Variants in DYNC1I1 observed in about 807,000 individuals in gnomAD.
The protein encoded by DYNC1I1 is dynein cytoplasmic 1 intermediate chain 1, also known as cytoplasmic dynein 1 intermediate chain 1.
In DYNC1I1, 43 loss-of-function variants were observed where a neutral mutation model predicts 86.6. The observed-to-expected ratio is 0.50, with a 90% CI of 0.39 to 0.64. DYNC1I1 has a LOEUF of 0.64. Ranked by LOEUF, DYNC1I1 falls within the 30% of genes least tolerant of loss-of-function variation. The pLI is 0.00. For synonymous variants in DYNC1I1, 262 were observed against 283.7 expected (o/e 0.92, Z 0.77); for missense variants, 604 against 788.8 (o/e 0.77, Z 2.81).
At chr7:95,837,423 T>G (rs1789131940) in intron 5 of DYNC1I1, among the ~76,000 whole-genome samples, 1 of 152,160 alleles carries the variant, frequency 6.6e-6, no homozygotes, top group Non-Finnish European at 1.5e-5. Flanking sequence ...GTCTTTTTGT[T>G]TGTCTGTGCC....
intron 9 of DYNC1I1, among the ~76,000 whole-genome samples, chr7:95,991,221 G>T (rs981442136): frequency 6.6e-6 from 1 of 152,148 alleles, no homozygotes; most frequent in Admixed American, 6.5e-5. Context: ...CCTGTGTTCA[G>T]TGACTTCCGT....
At chr7:96,047,342 G>A (rs569595089) in intron 14 of DYNC1I1, among the ~76,000 whole-genome samples, 51 of 152,274 alleles carry the variant, frequency 3.3e-4, no homozygotes, top group African/African-American at 1.2e-3. Context: ...TAGAAATATA[G>A]ATATGACAGT....
Position 95,799,732 on chromosome 7 carries a change from T to C in DYNC1I1, c.-9-4989T>C, listed in dbSNP as rs556416664. Among the ~76,000 whole-genome samples the C allele has an allele frequency of 2.2e-4, 33 of 151,906 alleles. 1 individual carries two copies. The highest frequency in any genetic ancestry group is 1.3e-4 in the Admixed American group (2 of 15,246). ...GAAGCTCCTACTACTTGCTCTGAAG[T>C]GTTTTAGAATGGCTAGGAACACAGA... On this transcript the variant is annotated intron_variant, in intron 1 of 16. Transcript: ENST00000447467.
chr7:95,934,761 A>T, intron 6 of DYNC1I1, among the ~76,000 whole-genome samples: 1 of 152,052 alleles, frequency 6.6e-6, no homozygotes, highest in Non-Finnish European at 1.5e-5. Context: ...TTGAATTTTA[A>T]AATTGCTATC....
intron 14 of DYNC1I1, among the ~76,000 whole-genome samples, chr7:96,070,551 T>A (rs1408071257): frequency 2.0e-5 from 3 of 152,128 alleles, no homozygotes; most frequent in African/African-American, 7.2e-5. Flanking sequence ...ATTCCATGAG[T>A]TTTCCTTTTA....
In DYNC1I1 at chr7:95,975,447, C is replaced by T. The variant is rs527740556; in HGVS notation, c.491-2065C>T. Among the ~76,000 whole-genome samples the T allele has an allele frequency of 1.1e-3, 171 of 152,204 alleles. 2 individuals carry two copies. The highest frequency in any genetic ancestry group is 3.9e-3 in the African/African-American group (162 of 41,534). ...TCCTTGGCTTGTAAAAGCATCAGGC[C>T]GATCTTTGCCTTCATCTCCACATGG... On this transcript the variant is annotated intron_variant, in intron 6 of 16. Coordinates refer to ENST00000447467, the MANE Select transcript of DYNC1I1 (RefSeq NM_001135556.2).
chr7:95,961,242 A>T (rs1584202414), intron 6 of DYNC1I1, among the ~76,000 whole-genome samples: 1 of 152,254 alleles, frequency 6.6e-6, no homozygotes, highest in Non-Finnish European at 1.5e-5. Flanking sequence ...CACTGGAGAG[A>T]GAGTCAGCAG....
intron 2 of DYNC1I1, among the ~76,000 whole-genome samples, chr7:95,807,770 C>T (rs1342035882): frequency 6.6e-6 from 1 of 152,094 alleles, no homozygotes; most frequent in African/African-American, 2.4e-5. Context: ...ATACCTTTAC[C>T]CATAACTAGG....
chr7:95,909,918 T>A (rs754515036), intron 6 of DYNC1I1, among the ~76,000 whole-genome samples: 41 of 152,122 alleles, frequency 2.7e-4, no homozygotes, highest in Non-Finnish European at 4.3e-4. Flanking sequence ...CATCTGTCTT[T>A]CTCTCTCTTT....
At chr7:95,876,219 A>T (rs1790305491) in intron 6 of DYNC1I1, among the ~76,000 whole-genome samples, 1 of 152,196 alleles carries the variant, frequency 6.6e-6, no homozygotes, top group Non-Finnish European at 1.5e-5. Context: ...GTGAAAATCC[A>T]GATATATCTG....
At chr7:96,102,453 C>T (rs1279678080), downstream of DYNC1I1, among the ~76,000 whole-genome samples, 2 of 152,106 alleles carry the variant, frequency 1.3e-5, no homozygotes, top group African/African-American at 2.4e-5. Flanking sequence ...AGAATCTCCC[C>T]AATGTTTAAG....
intron 10 of DYNC1I1, among the ~76,000 whole-genome samples, chr7:95,998,780 G>T (rs1362725240): frequency 6.6e-6 from 1 of 152,150 alleles, no homozygotes; most frequent in African/African-American, 2.4e-5. Flanking sequence ...TTTTAAAAGT[G>T]TATAATTGTA....
intron 16 of DYNC1I1, among the ~76,000 whole-genome samples, chr7:96,104,809 A>G (rs1009978298): frequency 2.6e-5 from 4 of 151,978 alleles, no homozygotes; most frequent in Non-Finnish European, 5.9e-5. Context: ...TGGCGTAAGT[A>G]CTCCAACTTT....
At chr7:95,787,862 A>T (rs1046959377) in intron 1 of DYNC1I1, among the ~76,000 whole-genome samples, 6 of 152,186 alleles carry the variant, frequency 3.9e-5, no homozygotes, top group Non-Finnish European at 7.3e-5. Flanking sequence ...GTCAAGTAAG[A>T]CCTCAATGAG....
At chr7:95,873,197 A>T (rs546819384) in intron 6 of DYNC1I1, among the ~76,000 whole-genome samples, 34 of 152,292 alleles carry the variant, frequency 2.2e-4, no homozygotes, top group Non-Finnish European at 4.4e-4. Context: ...AAACCAAGAC[A>T]TCTCTCTCAA....
intron 6 of DYNC1I1, among the ~76,000 whole-genome samples, chr7:95,943,616 T>G (rs1792304912): frequency 8.3e-6 from 1 of 120,408 alleles, no homozygotes; most frequent in African/African-American, 2.8e-5. Flanking sequence ...CTACCTGACT[T>G]CAAATTATAC....
chr7:95,977,483 T>C, intron 6 of DYNC1I1, 29 bp from the exon 7 acceptor site: 1 of 1,600,872 alleles, frequency 6.2e-7, no homozygotes. Context: ...GGAAAGAAAA[T>C]ATTGTATTTT....
intron 5 of DYNC1I1, among the ~76,000 whole-genome samples, chr7:95,853,787 A>C (rs1237518186): frequency 1.3e-5 from 2 of 152,234 alleles, no homozygotes; most frequent in Middle Eastern, 3.4e-3. Context: ...CTCTCTCTTC[A>C]GATCTATTAA....
chr7:95,884,403 A>T (rs1790537226), intron 6 of DYNC1I1, among the ~76,000 whole-genome samples: 2 of 145,164 alleles, frequency 1.4e-5, no homozygotes, highest in South Asian at 2.2e-4. Context: ...CTGGCCCTTC[A>T]TTTTTTTTTT....
Sources: allele counts gnomAD v4.1 joint callset (sites outside exome capture counted in the v4.1 genomes callset), GRCh38; gene constraint gnomAD v4.1.1; transcripts MANE v1.5; gene names NCBI Gene and HGNC (gene_info 2026-07-23, HGNC 2026-07-21).